Variants in GALNT13 observed in about 807,000 individuals in gnomAD.
GALNT13 encodes the protein UDP-GalNAc:polypeptide N-acetylgalactosaminyltransferase 13.
A neutral mutation model predicts 64.2 loss-of-function variants in GALNT13; 28 were observed. The ratio of observed to expected loss-of-function variants is 0.44; its 90% CI spans 0.32 to 0.60. The LOEUF (loss-of-function observed/expected upper bound fraction) is 0.60. Ranked by LOEUF, GALNT13 falls within the 20% of genes least tolerant of loss-of-function variation. GALNT13 has a pLI of 0.05. For synonymous variants in GALNT13, 214 were observed against 224.6 expected, an observed-to-expected ratio of 0.95 and a Z score of 0.42; for missense variants, 577 against 669.8, an observed-to-expected ratio of 0.86 and a Z score of 1.53.
At chr2:154,230,584 A>G (rs1327598692) in intron 4 of GALNT13, among the ~76,000 whole-genome samples, 1 of 152,146 alleles carries the variant, frequency 6.6e-6, no homozygotes, top group African/African-American at 2.4e-5. Context: ...CTAGATAAAC[A>G]GGGTGTTTTA....
chr2:153,242,041 C>A, the GALNT13 span, among the ~76,000 whole-genome samples: 1 of 152,214 alleles, frequency 6.6e-6, no homozygotes, highest in South Asian at 2.1e-4. Flanking sequence ...ATCCAGAGGA[C>A]AGCAATTTGG....
the GALNT13 span, among the ~76,000 whole-genome samples, chr2:153,646,416 G>A: frequency 1.3e-5 from 2 of 150,544 alleles, no homozygotes; most frequent in Non-Finnish European, 3.0e-5. Flanking sequence ...TGAACTCTGT[G>A]CAAGTATTGA....
At chr2:153,925,749 A>G (rs1366814309) in intron 2 of GALNT13, among the ~76,000 whole-genome samples, 1 of 152,010 alleles carries the variant, frequency 6.6e-6, no homozygotes, top group East Asian at 1.9e-4. Flanking sequence ...AGTGCTTTGT[A>G]GTTCCCCTTG....
intron 1 of GALNT13, among the ~76,000 whole-genome samples, chr2:153,894,682 A>T (rs1420312441): frequency 1.3e-5 from 2 of 152,174 alleles, no homozygotes; most frequent in African/African-American, 4.8e-5. Flanking sequence ...CAAAATGATG[A>T]TTGATTTCCA....
intron 9 of GALNT13, among the ~76,000 whole-genome samples, chr2:154,351,600 G>A (rs938796178): frequency 2.0e-5 from 3 of 147,032 alleles, no homozygotes; most frequent in Non-Finnish European, 3.0e-5. Context: ...GGAGAATGGC[G>A]TGAACCCTGG....
chr2:153,208,267 A>G, the GALNT13 span: 1 of 152,188 alleles, frequency 6.6e-6, no homozygotes, highest in Admixed American at 6.5e-5. Context: ...AATTATTTCT[A>G]AAAGTTTTCC....
chr2:154,307,832 C>G (rs16836444), intron 9 of GALNT13, among the ~76,000 whole-genome samples: 2 of 152,140 alleles, frequency 1.3e-5, no homozygotes, highest in Admixed American at 1.3e-4. Flanking sequence ...CTGCTCTTCA[C>G]AGAATACCAC....
At chr2:153,235,519 A>G in the GALNT13 span, among the ~76,000 whole-genome samples, 2 of 152,106 alleles carry the variant, frequency 1.3e-5, no homozygotes, top group South Asian at 4.1e-4. Context: ...TGTAAATGCT[A>G]GTACATGTAT....
At chr2:153,208,730 G>C in the GALNT13 span, among the ~76,000 whole-genome samples, 2 of 152,058 alleles carry the variant, frequency 1.3e-5, no homozygotes, top group Non-Finnish European at 2.9e-5. Flanking sequence ...TTATCAAACT[G>C]TTTTCCAAAG....
chr2:153,144,043 C>T, the GALNT13 span, among the ~76,000 whole-genome samples: 14 of 152,074 alleles, frequency 9.2e-5, no homozygotes, highest in Middle Eastern at 3.4e-3. Flanking sequence ...TCCTTTGCCA[C>T]CTCTAGCTCT....
the GALNT13 span, among the ~76,000 whole-genome samples, chr2:153,346,579 C>A: frequency 6.6e-6 from 1 of 152,116 alleles, no homozygotes; most frequent in Non-Finnish European, 1.5e-5. Flanking sequence ...TACCTGAAAA[C>A]ATGCATTTTA....
the GALNT13 span, among the ~76,000 whole-genome samples, chr2:153,857,083 A>C: frequency 6.6e-6 from 1 of 152,116 alleles, no homozygotes; most frequent in Non-Finnish European, 1.5e-5. Flanking sequence ...ACTGAAGGGA[A>C]TTTTATGGTG....
chr2:153,716,000 T>C, the GALNT13 span, among the ~76,000 whole-genome samples: 1 of 152,168 alleles, frequency 6.6e-6, no homozygotes, highest in Non-Finnish European at 1.5e-5. Context: ...TTTCATATTG[T>C]TGAAAGGGTA....
At chr2:153,345,696 T>C in the GALNT13 span, among the ~76,000 whole-genome samples, 3 of 139,588 alleles carry the variant, frequency 2.1e-5, no homozygotes, top group Non-Finnish European at 4.7e-5. Context: ...TCTTTCTTTC[T>C]TTCTTTCTCT....
intron 9 of GALNT13, among the ~76,000 whole-genome samples, chr2:154,373,476 T>C (rs1697813535): frequency 6.6e-6 from 1 of 152,196 alleles, no homozygotes; most frequent in Non-Finnish European, 1.5e-5. Flanking sequence ...GAGCTGATTG[T>C]CTGGTTCAGA....
intron 3 of GALNT13, among the ~76,000 whole-genome samples, chr2:154,044,487 A>G (rs968663967): frequency 6.6e-6 from 1 of 152,158 alleles, no homozygotes; most frequent in African/African-American, 2.4e-5. Flanking sequence ...GACCACTACT[A>G]AAGGAGCTAG....
the GALNT13 span, among the ~76,000 whole-genome samples, chr2:153,632,909 C>G: frequency 2.6e-5 from 4 of 151,872 alleles, no homozygotes; most frequent in African/African-American, 4.8e-5. Context: ...CACACCAATA[C>G]GCCCAGCTAA....
chr2:154,147,763 T>C (rs1683705631), intron 4 of GALNT13, among the ~76,000 whole-genome samples: 2 of 152,204 alleles, frequency 1.3e-5, no homozygotes, highest in South Asian at 2.1e-4. Context: ...TTTCACTTTC[T>C]AAATCTACCT....
chr2:153,553,108 C>G, the GALNT13 span, among the ~76,000 whole-genome samples: 2 of 152,022 alleles, frequency 1.3e-5, no homozygotes, highest in Non-Finnish European at 2.9e-5. Flanking sequence ...AAAGAGTGAA[C>G]TAGAAAAATA....
Sources: allele counts gnomAD v4.1 joint callset (sites outside exome capture counted in the v4.1 genomes callset), GRCh38; gene constraint gnomAD v4.1.1; transcripts MANE v1.5; gene names NCBI Gene and HGNC (gene_info 2026-07-23, HGNC 2026-07-21).